Variants in SRCAP observed in about 807,000 individuals in gnomAD.
SRCAP encodes the protein chromatin remodeling protein SRCAP.
Under a neutral mutation model 263.1 loss-of-function variants are expected in SRCAP, and 46 were observed. That is an observed-to-expected ratio of 0.17 (90% CI 0.14 to 0.22). SRCAP has a LOEUF of 0.22. Ranked by LOEUF, SRCAP falls within the 10% of genes least tolerant of loss-of-function variation. The pLI is 1.00. For missense variants in SRCAP, 3,695 were observed against 4,181.9 expected (o/e 0.88, Z 3.21); for synonymous variants, 1,813 against 1,662.1 (o/e 1.09, Z -2.21).
rs768759735 is a variant in SRCAP, at chr16:30,709,677, C to T, written c.798C>T (p.Leu266=). The stretch of plus-strand genomic sequence containing the variant: ...GCAAAGCAGGCTCTTCCCCTTGCCT[C>T]GGCTCTTCCTCAGCTGCCTCCAGTC... ...TSSKAGSSPC[L]GSSSAASSPP... is the part of the protein sequence containing the mutation. The change falls in exon 7 of 34, where the codon CTC becomes CTT. Residue 266 remains leucine (L), a synonymous_variant. Transcript: ENST00000262518. The T allele has an allele frequency of 1.9e-6, 3 of 1,614,064 alleles. No homozygotes were observed. Among genetic ancestry groups the T allele is most frequent in the East Asian group, 2.2e-5 (1 of 44,894 alleles).
Position 30,734,002 on chromosome 16 carries a change from C to G in SRCAP, c.6603C>G (p.Phe2201Leu), listed in dbSNP as rs1038010432. ...IEGGNFTTAY[F>L]KQQTIRELFD... ...GAGGCAACTTCACCACAGCCTATTT[C>G]AAACAGGTACTAAGTAAGATCTTTT... The change falls in exon 30 of 34, where the codon TTC becomes TTG. Residue 2201 changes from phenylalanine (F) to leucine (L), a missense_variant. Around this residue, in one of 12 missense-constraint regions of SRCAP, gnomAD observed 138 missense variants for 254.9 expected, o/e 0.54. Coordinates refer to ENST00000262518, the MANE Select transcript of SRCAP (RefSeq NM_006662.3). 6.2e-7 allele frequency: 1 copy of G among 1,605,356 alleles called. No homozygotes were observed. The highest frequency in any genetic ancestry group is 1.7e-5 in the Admixed American group (1 of 58,568).
chr16:30,738,859 G>C lies in SRCAP; in HGVS notation c.8819G>C (p.Gly2940Ala). ...LLSPVEKRRR[G>A]RPPKARDLPI... The stretch of plus-strand genomic sequence containing the variant: ...TCACCTGTGGAGAAAAGAAGGCGAG[G>C]ACGACCCCCTAAAGCACGAGATTTG... The change falls in exon 34 of 34, where the codon GGA (glycine) becomes GCA (alanine). Residue 2940 changes from glycine to alanine, a missense_variant. Gly to Ala is a moderately conservative substitution (Grantham distance 60, BLOSUM62 0). This residue lies in a region of SRCAP where 1,207 missense variants were observed against 1,142.9 expected (regional missense o/e 1.06). Coordinates refer to ENST00000262518, the MANE Select transcript of SRCAP (RefSeq NM_006662.3). The C allele has an allele frequency of 6.2e-7, 1 of 1,614,148 alleles. No individual in the cohort carries two copies. The highest frequency in any genetic ancestry group is 8.5e-7 in the Non-Finnish European group (1 of 1,180,028).
Position 30,724,473 on chromosome 16 carries a change from A to T in SRCAP, c.5049A>T (p.Leu1683=). ...PSPASTQTLA[L]APALAPTLGG... The stretch of plus-strand genomic sequence containing the variant: ...CGGCTTCTACGCAGACACTGGCCCT[A>T]GCCCCAGCTTTAGCACCCACTCTTG... Residue 1683 remains leucine, a synonymous_variant, in exon 25 of 34, where the codon CTA becomes CTT. Transcript: ENST00000262518. The T allele has an allele frequency of 5.0e-6, 8 of 1,614,114 alleles. No individual in the cohort carries two copies. The highest frequency in any genetic ancestry group is 6.8e-6 in the Non-Finnish European group (8 of 1,180,012).
intron 6 of SRCAP, among the ~76,000 whole-genome samples, chr16:30,709,277 A>G (rs1480773679): frequency 6.6e-6 from 1 of 152,102 alleles, no homozygotes; most frequent in Non-Finnish European, 1.5e-5. Context: ...AAAAAAAAAA[A>G]AAAATCCAGC....
In SRCAP at chr16:30,711,610, G is replaced by T; in HGVS notation, c.1358G>T (p.Gly453Val). 1 of 1,611,554 alleles carries T rather than the reference G, an allele frequency of 6.2e-7. No homozygotes were observed. Among genetic ancestry groups the T allele is most frequent in the Non-Finnish European group, 8.5e-7 (1 of 1,179,214 alleles). The change falls in exon 11 of 34, where the codon GGA becomes GTA. Residue 453 changes from glycine to valine, a missense_variant. Physicochemically the swap from Gly to Val is moderately radical, Grantham distance 109. Coordinates refer to ENST00000262518, the MANE Select transcript of SRCAP (RefSeq NM_006662.3). ...SMEELLQQYAGAYAPGSGSSE... is the reference protein window; with the variant it reads ...SMEELLQQYAVAYAPGSGSSE... ...GAGGAGCTATTGCAGCAGTATGCAG[G>T]AGCCTATGCCCCAGGCTCTGGGAGC... is the stretch of plus-strand genomic sequence containing the variant.
At chr16:30,714,209 C>T (rs1469132278) in intron 16 of SRCAP, among the ~76,000 whole-genome samples, 9 of 151,722 alleles carry the variant, frequency 5.9e-5, no homozygotes, top group East Asian at 3.9e-4. Context: ...GGACTAAAGG[C>T]GCCCACCACC....
At chr16:30,712,955 T>C in intron 14 of SRCAP, 140 bp downstream of exon 14, 1 of 1,184,160 alleles carries the variant, frequency 8.4e-7, no homozygotes, top group Non-Finnish European at 1.2e-6. Context: ...AGATGGGGTC[T>C]CACTATGTTA....
chr16:30,721,205 G>A lies in SRCAP; in HGVS notation c.3270G>A (p.Leu1090=). 6.2e-7 allele frequency: 1 copy of A among 1,610,588 alleles called. No homozygotes were observed. Among genetic ancestry groups the A allele is most frequent in the Non-Finnish European group, 8.5e-7 (1 of 1,178,070 alleles). Reference sequence around the variant, plus strand: ...TGTCTGCAGTGTTGCCATCCCCCCTGGGGGTCCTGAGTGGGACCTCACGGC... The same window carrying A: ...TGTCTGCAGTGTTGCCATCCCCCCTAGGGGTCCTGAGTGGGACCTCACGGC... ...GSLPQVLPSP[L]GVLSGTSRPP... Residue 1090 remains leucine, a synonymous_variant, in exon 21 of 34, where the codon CTG becomes CTA. Transcript: ENST00000262518.
In SRCAP at chr16:30,738,691, C is replaced by T. The variant is rs375027179; in HGVS notation, c.8651C>T (p.Thr2884Ile). The T allele has an allele frequency of 5.0e-6, 8 of 1,613,990 alleles. No individual in the cohort carries two copies. The highest frequency in any genetic ancestry group is 8.5e-7 in the Non-Finnish European group (1 of 1,179,956). ...GRGVDEAPSS[T>I]LKGKTNGADP... The stretch of plus-strand genomic sequence containing the variant: ...GGTGTGGATGAGGCACCCTCATCCA[C>T]CTTGAAGGGAAAAACCAATGGGGCT... The change falls in exon 34 of 34, where the codon ACC (threonine) becomes ATC (isoleucine). Residue 2884 changes from threonine to isoleucine, a missense_variant. By Grantham distance (89) the Thr-to-Ile change is moderately conservative. This residue lies in a region of SRCAP where 1,207 missense variants were observed against 1,142.9 expected (regional missense o/e 1.06). Transcript: ENST00000262518.
intron 18 of SRCAP, 47 bp downstream of exon 18, chr16:30,716,526 C>G: frequency 1.3e-6 from 2 of 1,540,230 alleles, no homozygotes; most frequent in Non-Finnish European, 1.8e-6. Flanking sequence ...ATCGGCATTA[C>G]TCCAACCATG....
Position 30,720,227 on chromosome 16 carries a change from C to T in SRCAP, c.2883C>T (p.Asp961=), listed in dbSNP as rs141067629. ...LEGRVSRYEA[D]TFLPRHRLSR... ...GTCGTGTCTCTCGATATGAGGCAGA[C>T]ACATTTCTGCCCCGGCACCGCCTCT... Residue 961 remains aspartate, a synonymous_variant, in exon 19 of 34, where the codon GAC becomes GAT. Transcript: ENST00000262518. The T allele has an allele frequency of 4.2e-5, 67 of 1,614,058 alleles. No homozygotes were observed. The African/African-American group carries it at 8.1e-4, about 20-fold the overall frequency.
rs777990767 is a variant in SRCAP, at chr16:30,712,431, G to C, written c.1985G>C (p.Cys662Ser). 3.1e-5 allele frequency: 49 copies of C among 1,574,480 alleles called. No homozygotes were observed. The highest frequency in any genetic ancestry group is 1.7e-6 in the Non-Finnish European group (2 of 1,162,416). ...ATCTCTCTGCTTGCCCACTTGGCTT[G>C]TGAGAAAGGTAAGTAGGCAAGGCCC... ...QTISLLAHLA[C>S]EKGNWGPHLI... The change falls in exon 13 of 34, where the codon TGT (cysteine) becomes TCT (serine). Residue 662 changes from cysteine to serine, a missense_variant. Cys to Ser is a moderately radical substitution (Grantham distance 112, BLOSUM62 -1). This residue lies in a region of SRCAP where 121 missense variants were observed against 330.7 expected (regional missense o/e 0.37). Transcript: ENST00000262518.
chr16:30,710,258 T>C, intron 8 of SRCAP, 130 bp downstream of exon 8: 1 of 936,720 alleles, frequency 1.1e-6, no homozygotes, highest in Non-Finnish European at 1.6e-6. Flanking sequence ...TTGGGCTCTT[T>C]GGGGATGACT....
intron 13 of SRCAP, 60 bp downstream of exon 13, chr16:30,712,499 A>G: frequency 1.8e-5 from 28 of 1,529,590 alleles, no homozygotes; most frequent in Non-Finnish European, 2.5e-5. Flanking sequence ...GAGCTTGTTC[A>G]GTGATGACTC....
chr16:30,732,635 C>G (rs1460450327), intron 27 of SRCAP, among the ~76,000 whole-genome samples: 1 of 152,110 alleles, frequency 6.6e-6, no homozygotes, highest in African/African-American at 2.4e-5. Context: ...GATATCTATC[C>G]TGTGAATCTG....
chr16:30,722,483 TTCTTC>T, intron 22 of SRCAP, 75 bp from the exon 23 acceptor site: 2 of 1,554,508 alleles, frequency 1.3e-6, no homozygotes, highest in East Asian at 4.5e-5. Flanking sequence ...CTCTGTTCTT[TTCTTC>T]TCTTCTTGCC....
In SRCAP at chr16:30,704,286, C is replaced by A. The variant is rs778837387; in HGVS notation, c.277C>A (p.His93Asn). The A allele has an allele frequency of 1.2e-6, 2 of 1,612,412 alleles. No homozygotes were observed. The highest frequency in any genetic ancestry group is 1.7e-6 in the Non-Finnish European group (2 of 1,178,732). ...ANKGPKWEKS[H>N]AEIAEQAKHE... ...CAAGGGCCCGAAGTGGGAGAAGAGC[C>A]ATGCCGAAATTGCAGAACAGGCCAA... Residue 93 changes from histidine (H) to asparagine (N), a missense_variant, in exon 4 of 34, where the codon CAT becomes AAT. This residue lies in a region of SRCAP where 122 missense variants were observed against 116.9 expected (regional missense o/e 1.04). Transcript: ENST00000262518.
Position 30,722,112 on chromosome 16 carries a change from C to G in SRCAP, c.3542-10C>G. ...AGCCTTGTGTACAATAAGGCCTTCT[C>G]TGTTTTTAGCAGGCGAAGTGGTCAG... On this transcript the variant is annotated splice_polypyrimidine_tract_variant and intron_variant, in intron 21 of 33. Transcript: ENST00000262518. 3.7e-6 allele frequency: 6 copies of G among 1,611,380 alleles called. No homozygotes were observed. Among genetic ancestry groups the G allele is most frequent in the Non-Finnish European group, 4.2e-6 (5 of 1,178,366 alleles).
At chr16:30,720,388 CAGAGGGGCCTGGGGTGGGAAGAAA>C (rs2052999967) in intron 19 of SRCAP, 57 bp downstream of exon 19, 3 of 1,571,500 alleles carry the variant, frequency 1.9e-6, no homozygotes, top group Non-Finnish European at 2.6e-6. Context: ...GAAAGCTGCC[CAGAGGGGCCTGGGGTGGGAAGAAA>C]AGAGTTGGAT....
Sources: allele counts gnomAD v4.1 joint callset (sites outside exome capture counted in the v4.1 genomes callset), GRCh38; gene constraint gnomAD v4.1.1; regional missense constraint gnomAD v4.1.1; transcripts MANE v1.5; gene names NCBI Gene and HGNC (gene_info 2026-07-23, HGNC 2026-07-21).